Variants in HSD17B2 observed in about 807,000 individuals in gnomAD.
HSD17B2 encodes the protein 17-beta-hydroxysteroid dehydrogenase type 2.
Under a neutral mutation model 26.9 loss-of-function variants are expected in HSD17B2, and 32 were observed. That is an observed-to-expected ratio of 1.19 (90% CI 0.90 to 1.60). The LOEUF is 1.60. Ranked by LOEUF, HSD17B2 falls within the 40% of genes most tolerant of loss-of-function variation. The pLI, the probability that HSD17B2 is intolerant of heterozygous loss-of-function variation, is 0.00. For synonymous variants in HSD17B2, 246 were observed against 186.7 expected (o/e 1.32, Z -2.59); for missense variants, 613 against 468.6 (o/e 1.31, Z -2.85).
rs371860847 is a variant in HSD17B2 at position 82,048,872 on chromosome 16, A to T, written c.265+13183A>T. On this transcript the variant is annotated intron_variant, in intron 1 of 4. Transcript: ENST00000199936. ...AGAATAGTTATGAGAATAAAATGAAATGAGCATGCCAAATGCTTAGTGTTG... is the reference window on the plus strand; with the variant it reads ...AGAATAGTTATGAGAATAAAATGAATTGAGCATGCCAAATGCTTAGTGTTG... Among the ~76,000 whole-genome samples the T allele has an allele frequency of 3.9e-5, 6 of 152,242 alleles. No homozygotes were observed. The East Asian group carries it at 9.6e-4, about 24-fold the overall frequency.
intron 3 of HSD17B2, among the ~76,000 whole-genome samples, chr16:82,083,947 G>A (rs1482719441): frequency 6.6e-6 from 1 of 152,172 alleles, no homozygotes; most frequent in Non-Finnish European, 1.5e-5. Flanking sequence ...GGTACAAAGA[G>A]CAGTTGGAAA....
intron 1 of HSD17B2, among the ~76,000 whole-genome samples, chr16:82,039,248 T>C (rs1271938668): frequency 6.9e-6 from 1 of 145,286 alleles, no homozygotes; most frequent in African/African-American, 2.6e-5. Flanking sequence ...TGGAAAATAA[T>C]ACACACACAC....
chr16:82,056,988 A>C (rs1208872387), intron 1 of HSD17B2, among the ~76,000 whole-genome samples: 3 of 152,216 alleles, frequency 2.0e-5, no homozygotes, highest in Non-Finnish European at 2.9e-5. Context: ...TAAATAGCCA[A>C]AGCTAGAAGA....
At chr16:82,060,628 T>G (rs577777865) in intron 1 of HSD17B2, among the ~76,000 whole-genome samples, 7 of 152,252 alleles carry the variant, frequency 4.6e-5, no homozygotes, top group Non-Finnish European at 1.0e-4. Flanking sequence ...ATCCTTTTAC[T>G]GATAGATAGC....
chr16:82,067,956 T>C (rs1368896796), intron 1 of HSD17B2, among the ~76,000 whole-genome samples: 2 of 152,170 alleles, frequency 1.3e-5, no homozygotes, highest in Admixed American at 1.3e-4. Flanking sequence ...CCCCTAATTC[T>C]ATATTATGCC....
At chr16:82,036,925 T>C (rs8191060) in intron 1 of HSD17B2, among the ~76,000 whole-genome samples, 15 of 152,324 alleles carry the variant, frequency 9.8e-5, no homozygotes, top group African/African-American at 3.1e-4. Flanking sequence ...CCTGTTCTGT[T>C]ATGAAACCTT....
Position 82,098,474 on chromosome 16 carries a change from C to A in HSD17B2, c.*38C>A. The A allele has an allele frequency of 6.5e-7, 1 of 1,537,002 alleles. No homozygotes were observed. The highest frequency in any genetic ancestry group is 1.3e-5 in the South Asian group (1 of 77,840). On this transcript the variant is annotated 3_prime_UTR_variant, in exon 5 of 5. Coordinates refer to ENST00000199936, the MANE Select transcript of HSD17B2 (RefSeq NM_002153.3). ...CTCAAAGAAGTCGGAATGTCATAGT[C>A]TTGAAATGAAAGGGAAACTGGGAAA...
intron 1 of HSD17B2, among the ~76,000 whole-genome samples, chr16:82,043,684 CAAAAAAAAAAAAAA>C (rs398030034): frequency 8.9e-5 from 2 of 22,552 alleles, no homozygotes; most frequent in South Asian, 2.3e-3. Context: ...AACTCTGTCT[CAAAAAAAAAAAAAA>C]AAAAAAAAAA....
At chr16:82,036,032 T>G (rs1395456374) in intron 1 of HSD17B2, among the ~76,000 whole-genome samples, 1 of 152,202 alleles carries the variant, frequency 6.6e-6, no homozygotes, top group Non-Finnish European at 1.5e-5. Context: ...TAAATGGACT[T>G]TTGTTCTGAC....
chr16:82,038,512 G>T (rs1198475496), intron 1 of HSD17B2, among the ~76,000 whole-genome samples: 6 of 152,118 alleles, frequency 3.9e-5, no homozygotes, highest in African/African-American at 1.4e-4. Context: ...ACCACGTTGG[G>T]CTAATTTTTG....
chr16:82,059,441 T>A (rs1039044776), intron 1 of HSD17B2, among the ~76,000 whole-genome samples: 1 of 152,244 alleles, frequency 6.6e-6, no homozygotes, highest in Non-Finnish European at 1.5e-5. Context: ...TGGAATCTCC[T>A]GAAGAGATCT....
intron 1 of HSD17B2, among the ~76,000 whole-genome samples, chr16:82,041,945 T>TA (rs960600756): frequency 2.0e-5 from 3 of 151,914 alleles, no homozygotes; most frequent in South Asian, 2.1e-4. Flanking sequence ...TGGCATGTTT[T>TA]AAAAAAAATT....
intron 1 of HSD17B2, among the ~76,000 whole-genome samples, chr16:82,048,229 G>A (rs894046683): frequency 1.3e-5 from 2 of 152,148 alleles, no homozygotes; most frequent in East Asian, 3.9e-4. Context: ...TGGGCGGTGG[G>A]GTCCACTCAT....
At chr16:82,060,990 G>A (rs1220472002) in intron 1 of HSD17B2, among the ~76,000 whole-genome samples, 1 of 152,146 alleles carries the variant, frequency 6.6e-6, no homozygotes, top group Non-Finnish European at 1.5e-5. Flanking sequence ...GCCAGGCGTG[G>A]CGACTCACAC....
intron 1 of HSD17B2, among the ~76,000 whole-genome samples, chr16:82,066,619 T>C (rs1185394979): frequency 1.3e-5 from 2 of 152,234 alleles, no homozygotes; most frequent in Non-Finnish European, 2.9e-5. Flanking sequence ...AAGGAAAACT[T>C]AGGGAATCTC....
At chr16:82,037,469 G>A (rs905175892) in intron 1 of HSD17B2, among the ~76,000 whole-genome samples, 2 of 152,188 alleles carry the variant, frequency 1.3e-5, no homozygotes, top group African/African-American at 2.4e-5. Flanking sequence ...AGATTAGCAC[G>A]CATTGTGGTG....
chr16:82,081,470 A>G (rs112331604), intron 3 of HSD17B2, among the ~76,000 whole-genome samples: 2 of 152,242 alleles, frequency 1.3e-5, no homozygotes, highest in African/African-American at 4.8e-5. Context: ...GCTGGCAGCC[A>G]GGAGGGTGGG....
chr16:82,090,491 G>C (rs996027738), intron 3 of HSD17B2, among the ~76,000 whole-genome samples: 3 of 151,720 alleles, frequency 2.0e-5, no homozygotes, highest in African/African-American at 7.3e-5. Context: ...GCTAATTTTT[G>C]TGTTTTTAGT....
At chr16:82,049,442 A>G (rs888637342) in intron 1 of HSD17B2, among the ~76,000 whole-genome samples, 4 of 152,252 alleles carry the variant, frequency 2.6e-5, no homozygotes, top group Non-Finnish European at 5.9e-5. Flanking sequence ...AAAGCAAGTC[A>G]CATGATGGGT....
Sources: gnomAD v4.1 joint callset for allele counts (sites outside exome capture counted in the v4.1 genomes callset) on GRCh38, gnomAD v4.1.1 for gene constraint, MANE v1.5 for transcripts, NCBI Gene and HGNC (gene_info 2026-07-23, HGNC 2026-07-21) for gene names.